TNFRSF11B: variants seen among roughly 807,000 people sequenced by gnomAD.
TNFRSF11B encodes TNF receptor superfamily member 11b.
In TNFRSF11B, 16 loss-of-function variants were observed where a neutral mutation model predicts 43.4. The observed-to-expected ratio is 0.37, with a 90% confidence interval of 0.25 to 0.56. The LOEUF (loss-of-function observed/expected upper bound fraction) is 0.56, where lower values mean the gene tolerates loss of function less well. TNFRSF11B is among the 20% of genes least tolerant of loss of function. TNFRSF11B has a pLI of 0.80. For missense variants in TNFRSF11B, 444 were observed against 490.1 expected (o/e 0.91, Z 0.89); for synonymous variants, 185 against 181.8 (o/e 1.02, Z -0.14).
chr8:118,929,556 C>T (rs900560652), intron 2 of TNFRSF11B, among the ~76,000 whole-genome samples: 2 of 152,170 alleles, frequency 1.3e-5, no homozygotes, highest in African/African-American at 4.8e-5. Context: ...GATGATATAC[C>T]ATTTGCTTAA....
At chr8:118,946,881 A>G (rs2129924343) in intron 1 of TNFRSF11B, among the ~76,000 whole-genome samples, 1 of 152,302 alleles carries the variant, frequency 6.6e-6, no homozygotes, top group East Asian at 1.9e-4. Flanking sequence ...TTATCAAACC[A>G]AAAATGAACA....
chr8:118,932,230 A>C (rs887985785), intron 2 of TNFRSF11B, among the ~76,000 whole-genome samples: 6 of 152,232 alleles, frequency 3.9e-5, no homozygotes, highest in Non-Finnish European at 4.4e-5. Flanking sequence ...ACTGGTTTAA[A>C]AGATTCAATA....
intron 1 of TNFRSF11B, among the ~76,000 whole-genome samples, chr8:118,938,968 T>A (rs2129908579): frequency 6.6e-6 from 1 of 152,324 alleles, no homozygotes; most frequent in South Asian, 2.1e-4. Flanking sequence ...AAGTCTGAAA[T>A]AACCACTTGG....
chr8:118,950,185 TATTA>T (rs1327253372), intron 1 of TNFRSF11B, among the ~76,000 whole-genome samples: 1 of 152,106 alleles, frequency 6.6e-6, no homozygotes, highest in Non-Finnish European at 1.5e-5. Flanking sequence ...GTATGTTTGT[TATTA>T]ATTAAATCTT....
rs186149935 is a variant in TNFRSF11B at position 118,934,901 on chromosome 8, C to A, written c.31-1601G>T. Among the ~76,000 whole-genome samples, 6 of 152,274 alleles carry A rather than the reference C, an allele frequency of 3.9e-5. No homozygotes were observed. The East Asian group carries it at 1.2e-3, about 29-fold the overall frequency. Reference sequence around the variant, plus strand: ...GATAAAGAATGGCCTTTTTCATAAGCATTTGAACATTTTAACTGAAGTAAC... The same window carrying A: ...GATAAAGAATGGCCTTTTTCATAAGAATTTGAACATTTTAACTGAAGTAAC... On this transcript the variant is annotated intron_variant, in intron 1 of 4. Coordinates refer to ENST00000297350, the MANE Select transcript of TNFRSF11B (RefSeq NM_002546.4).
intron 4 of TNFRSF11B, among the ~76,000 whole-genome samples, chr8:118,925,447 C>G (rs1812234115): frequency 6.6e-6 from 1 of 152,006 alleles, no homozygotes; most frequent in African/African-American, 2.4e-5. Context: ...TTGGTTGCTT[C>G]CAATTCTAAC....
At chr8:118,925,483 G>A (rs765889742) in intron 4 of TNFRSF11B, among the ~76,000 whole-genome samples, 12 of 152,032 alleles carry the variant, frequency 7.9e-5, no homozygotes, top group Non-Finnish European at 1.2e-4. Context: ...CTTTTCTTTC[G>A]GCTTCAGGGC....
intron 2 of TNFRSF11B, chr8:118,930,733 A>T: frequency 2.2e-6 from 1 of 451,934 alleles, no homozygotes; most frequent in Non-Finnish European, 4.5e-6. Context: ...TTCATTCTTC[A>T]GATACATATC....
intron 1 of TNFRSF11B, among the ~76,000 whole-genome samples, chr8:118,936,551 A>G (rs147793797): frequency 4.5e-4 from 69 of 152,328 alleles, no homozygotes; most frequent in Non-Finnish European, 9.6e-4. Context: ...TGGAAAAGCG[A>G]TGAAAAATAT....
intron 3 of TNFRSF11B, among the ~76,000 whole-genome samples, chr8:118,927,238 A>C (rs556955289): frequency 6.6e-6 from 1 of 152,354 alleles, no homozygotes; most frequent in African/African-American, 2.4e-5. Flanking sequence ...GAAAATAACC[A>C]AACATAAAAC....
chr8:118,936,526 C>A (rs1041659458), intron 1 of TNFRSF11B, among the ~76,000 whole-genome samples: 43 of 152,250 alleles, frequency 2.8e-4, no homozygotes, highest in African/African-American at 8.9e-4. Context: ...CTCTCGGTTT[C>A]TTCTGCTTAT....
intron 1 of TNFRSF11B, among the ~76,000 whole-genome samples, chr8:118,940,011 T>G (rs1274753793): frequency 1.3e-5 from 2 of 152,138 alleles, no homozygotes; most frequent in Non-Finnish European, 1.5e-5. Context: ...TAAAAAAGGA[T>G]AAGCTCATGT....
At chr8:118,945,276 T>TTGTG (rs11573841) in intron 1 of TNFRSF11B, among the ~76,000 whole-genome samples, 2 of 149,610 alleles carry the variant, frequency 1.3e-5, no homozygotes, top group Admixed American at 6.7e-5. Flanking sequence ...TAATGCACAA[T>TTGTG]TGTGTGTGTG....
At chr8:118,951,517 A>G (rs1343504000) in intron 1 of TNFRSF11B, among the ~76,000 whole-genome samples, 2 of 107,974 alleles carry the variant, frequency 1.9e-5, no homozygotes, top group Non-Finnish European at 1.8e-5. Flanking sequence ...CTTTCAAACA[A>G]GTTTCTCTCT....
At chr8:118,939,110 A>G (rs1812443048) in intron 1 of TNFRSF11B, among the ~76,000 whole-genome samples, 1 of 152,222 alleles carries the variant, frequency 6.6e-6, no homozygotes, top group African/African-American at 2.4e-5. Flanking sequence ...TAGCCAAGAA[A>G]GGAAACATCC....
At chr8:118,927,573 TAAGA>T (rs1396183444) in intron 3 of TNFRSF11B, among the ~76,000 whole-genome samples, 5 of 133,318 alleles carry the variant, frequency 3.8e-5, no homozygotes, top group Admixed American at 7.6e-5. Context: ...TTTTTTTAGA[TAAGA>T]AAGCAAAGGC....
At chr8:118,946,804 A>T (rs1416604572) in intron 1 of TNFRSF11B, among the ~76,000 whole-genome samples, 3 of 152,164 alleles carry the variant, frequency 2.0e-5, no homozygotes, top group African/African-American at 7.2e-5. Flanking sequence ...CTTCTCCTGC[A>T]CTCTAAAATA....
intron 1 of TNFRSF11B, among the ~76,000 whole-genome samples, chr8:118,951,241 A>G (rs1487286295): frequency 1.3e-5 from 2 of 152,220 alleles, no homozygotes; most frequent in African/African-American, 4.8e-5. Flanking sequence ...TTAAAACATT[A>G]CACAGTTAAG....
chr8:118,938,765 T>C (rs1410440186), intron 1 of TNFRSF11B, among the ~76,000 whole-genome samples: 4 of 152,186 alleles, frequency 2.6e-5, no homozygotes, highest in Non-Finnish European at 5.9e-5. Flanking sequence ...AGATCACAAC[T>C]AATTTGACTA....
Sources: gnomAD v4.1 joint callset for allele counts (sites outside exome capture counted in the v4.1 genomes callset) on GRCh38, gnomAD v4.1.1 for gene constraint, MANE v1.5 for transcripts, NCBI Gene and HGNC (gene_info 2026-07-23, HGNC 2026-07-21) for gene names.